SLC35F1: variants seen among roughly 807,000 people sequenced by gnomAD.
The protein encoded by SLC35F1 is chromosome 6 open reading frame 169.
In SLC35F1, 14 loss-of-function variants were observed where a neutral mutation model predicts 48.7. The observed-to-expected ratio is 0.29, with a 90% confidence interval of 0.19 to 0.45. SLC35F1 has a LOEUF of 0.45. Ranked by LOEUF, SLC35F1 falls within the 20% of genes least tolerant of loss-of-function variation. The probability of loss-of-function intolerance (pLI) is 1.00; values close to 1 mark genes in which losing one functional copy is unlikely to be tolerated. For synonymous variants in SLC35F1, 190 were observed against 202.2 expected (o/e 0.94, Z 0.51); for missense variants, 404 against 500.0 (o/e 0.81, Z 1.83).
chr6:118,111,092 G>T (rs1159949477), intron 1 of SLC35F1, among the ~76,000 whole-genome samples: 3 of 152,026 alleles, frequency 2.0e-5, no homozygotes, highest in African/African-American at 4.8e-5. Context: ...GTAAGAAACT[G>T]GGAGATAACT....
At chr6:118,262,455 A>C (rs1453750181) in intron 3 of SLC35F1, among the ~76,000 whole-genome samples, 2 of 152,174 alleles carry the variant, frequency 1.3e-5, no homozygotes, top group Non-Finnish European at 2.9e-5. Flanking sequence ...CTTCCTGTAC[A>C]TATACATATT....
intron 1 of SLC35F1, among the ~76,000 whole-genome samples, chr6:118,140,500 A>G (rs1006394460): frequency 2.0e-5 from 3 of 152,204 alleles, no homozygotes; most frequent in Non-Finnish European, 2.9e-5. Context: ...TAATACTTGT[A>G]CTATATAATT....
intron 3 of SLC35F1, among the ~76,000 whole-genome samples, chr6:118,253,074 A>T (rs1435856933): frequency 6.6e-6 from 1 of 152,144 alleles, no homozygotes; most frequent in Non-Finnish European, 1.5e-5. Context: ...TTTGAGAGGT[A>T]CTTTTGGAAG....
At chr6:118,260,513 G>A (rs564860520) in intron 3 of SLC35F1, among the ~76,000 whole-genome samples, 6 of 152,032 alleles carry the variant, frequency 3.9e-5, no homozygotes, top group Non-Finnish European at 8.8e-5. Flanking sequence ...GGGAGTCCCT[G>A]GAGTGCAGGG....
At chr6:118,218,690 A>G (rs1013466939) in intron 2 of SLC35F1, among the ~76,000 whole-genome samples, 1 of 152,180 alleles carries the variant, frequency 6.6e-6, no homozygotes, top group Non-Finnish European at 1.5e-5. Flanking sequence ...ACGTCATATT[A>G]AAAGCTGTGT....
Position 118,314,827 on chromosome 6 carries a change from G to A in SLC35F1, c.*575G>A, listed in dbSNP as rs1397985412. 1 of 155,200 alleles carries A rather than the reference G, an allele frequency of 6.4e-6. No individual in the cohort carries two copies. The highest frequency in any genetic ancestry group is 1.4e-5 in the Non-Finnish European group (1 of 69,632). 9.6% of individuals were successfully genotyped at this position (155,200 alleles called of 1,614,324 possible). ...GGATTGCCTGCTCAATAAGTATTTT[G>A]TGCTGTGACCTTTGTGGGGAGGGGC... is the stretch of plus-strand genomic sequence containing the variant. On this transcript the variant is annotated 3_prime_UTR_variant, in exon 8 of 8. Coordinates refer to ENST00000360388, the MANE Select transcript of SLC35F1 (RefSeq NM_001029858.4).
At chr6:118,066,282 T>C (rs957584055) in intron 1 of SLC35F1, among the ~76,000 whole-genome samples, 12 of 152,192 alleles carry the variant, frequency 7.9e-5, no homozygotes, top group Non-Finnish European at 1.6e-4. Flanking sequence ...CAAATCTCTA[T>C]TATGTGATGT....
chr6:118,048,403 A>G (rs543257007), intron 1 of SLC35F1, among the ~76,000 whole-genome samples: 1 of 152,100 alleles, frequency 6.6e-6, no homozygotes, highest in East Asian at 1.9e-4. Flanking sequence ...TCATAAAATG[A>G]GTAAAGAGGA....
intron 1 of SLC35F1, among the ~76,000 whole-genome samples, chr6:118,124,204 C>T (rs889208838): frequency 6.6e-6 from 1 of 152,164 alleles, no homozygotes; most frequent in African/African-American, 2.4e-5. Flanking sequence ...TTGGATTATT[C>T]ATGTAACTTC....
chr6:118,182,519 A>AGAGAAGGAAG (rs1554234198), intron 2 of SLC35F1, among the ~76,000 whole-genome samples: 99 of 106,342 alleles, frequency 9.3e-4, no homozygotes, highest in African/African-American at 2.8e-3. Flanking sequence ...AGAGAGAGAG[A>AGAGAAGGAAG]GAAGGAAGGA....
chr6:117,914,620 G>T (rs1196866531), intron 1 of SLC35F1, among the ~76,000 whole-genome samples: 2 of 152,156 alleles, frequency 1.3e-5, no homozygotes, highest in African/African-American at 4.8e-5. Context: ...GGGTGCCATT[G>T]GTGGAGTTTC....
chr6:118,150,553 G>A (rs1463653577), intron 1 of SLC35F1, among the ~76,000 whole-genome samples: 2 of 152,096 alleles, frequency 1.3e-5, no homozygotes, highest in African/African-American at 4.8e-5. Flanking sequence ...AGAACTGCAG[G>A]AATCCATGTC....
chr6:118,221,808 T>C (rs919535698), intron 2 of SLC35F1, among the ~76,000 whole-genome samples: 1 of 152,228 alleles, frequency 6.6e-6, no homozygotes, highest in Admixed American at 6.5e-5. Context: ...CAGTCTCAGA[T>C]GTTATATCAT....
At chr6:118,110,841 T>C (rs939580226) in intron 1 of SLC35F1, among the ~76,000 whole-genome samples, 7 of 152,120 alleles carry the variant, frequency 4.6e-5, no homozygotes, top group African/African-American at 1.7e-4. Flanking sequence ...CTCAGTCTTT[T>C]GTAAGCCTGA....
At chr6:118,221,670 A>G (rs901763383) in intron 2 of SLC35F1, among the ~76,000 whole-genome samples, 1 of 152,204 alleles carries the variant, frequency 6.6e-6, no homozygotes, top group Non-Finnish European at 1.5e-5. Context: ...AATCTTATAG[A>G]AAAGTAGACA....
chr6:117,964,746 A>G (rs1201894783), intron 1 of SLC35F1, among the ~76,000 whole-genome samples: 3 of 152,202 alleles, frequency 2.0e-5, no homozygotes, highest in African/African-American at 7.2e-5. Flanking sequence ...ACTGTTACAG[A>G]AACACCAGGG....
At chr6:118,005,444 A>G (rs1777161574) in intron 1 of SLC35F1, among the ~76,000 whole-genome samples, 1 of 152,128 alleles carries the variant, frequency 6.6e-6, no homozygotes, top group South Asian at 2.1e-4. Context: ...AAACTGTTTA[A>G]TAACTACCCT....
chr6:118,292,181 T>C (rs924877790), intron 7 of SLC35F1, among the ~76,000 whole-genome samples: 2 of 152,070 alleles, frequency 1.3e-5, no homozygotes, highest in Admixed American at 1.3e-4. Flanking sequence ...CTCTCACTGA[T>C]TCTAAGCACC....
intron 1 of SLC35F1, among the ~76,000 whole-genome samples, chr6:118,045,378 C>T (rs971885475): frequency 2.6e-5 from 4 of 152,174 alleles, no homozygotes; most frequent in African/African-American, 7.2e-5. Flanking sequence ...TAGATATATG[C>T]TGTTTATGGA....
Sources: allele counts gnomAD v4.1 joint callset (sites outside exome capture counted in the v4.1 genomes callset), GRCh38; gene constraint gnomAD v4.1.1; transcripts MANE v1.5; gene names NCBI Gene and HGNC (gene_info 2026-07-23, HGNC 2026-07-21).